The following RFX1 variants were observed in gnomAD, a reference collection of about 807,000 sequenced individuals.
The protein encoded by RFX1 is MHC class II regulatory factor RFX1.
Under a neutral mutation model 119.6 loss-of-function variants are expected in RFX1, and 42 were observed. The ratio of observed to expected loss-of-function variants is 0.35; its 90% confidence interval spans 0.27 to 0.45. RFX1 has a LOEUF of 0.45. Among genes scored for constraint, RFX1 ranks in the 20% least tolerant of loss-of-function variants. The pLI is 1.00. For missense variants in RFX1, 1,118 were observed against 1,368.1 expected (o/e 0.82, Z 2.88); for synonymous variants, 628 against 618.5 (o/e 1.02, Z -0.23).
Position 13,978,556 on chromosome 19 carries a change from T to A in RFX1, c.835-470A>T, listed in dbSNP as rs112072551. Among the ~76,000 whole-genome samples the A allele has an allele frequency of 5.4e-3, 828 of 151,962 alleles. 8 individuals are homozygous for A. Among genetic ancestry groups the A allele is most frequent in the African/African-American group, 0.019 (776 of 41,444 alleles). ...GCGGGGCCTGAGTCCCCCACCTCCA[T>A]CCCCCACCCTTGTCTGCAGGGGCGG... On this transcript the variant is annotated intron_variant, in intron 7 of 20. Coordinates refer to ENST00000254325, the MANE Select transcript of RFX1 (RefSeq NM_002918.5).
In RFX1 at chr19:13,965,608, A is replaced by G. The variant is rs1973869944; in HGVS notation, c.2113+18T>C. 1.9e-6 allele frequency: 3 copies of G among 1,612,536 alleles called. No homozygotes were observed. Among genetic ancestry groups the G allele is most frequent in the Non-Finnish European group, 8.5e-7 (1 of 1,179,442 alleles). On this transcript the variant is annotated intron_variant, in intron 15 of 20. Transcript: ENST00000254325. The surrounding 1 kb of genome is among the most constrained non-coding windows in gnomAD (Gnocchi z 4.7). ...GGTGTATGTGGGGCAGGGGATGCCGAGCAGGCCGAGCACTCACTGGGGATG... is the reference window on the plus strand; with the variant it reads ...GGTGTATGTGGGGCAGGGGATGCCGGGCAGGCCGAGCACTCACTGGGGATG...
At chr19:13,992,020 C>T (rs1841693635) in intron 2 of RFX1, among the ~76,000 whole-genome samples, 1 of 152,190 alleles carries the variant, frequency 6.6e-6, no homozygotes, top group Non-Finnish European at 1.5e-5. Context: ...CCATCTTGAC[C>T]CACCCCTTCC....
chr19:13,963,640 G>T lies in RFX1; in HGVS notation c.2468C>A (p.Ala823Asp). ...QQQNSLEQWA[A>D]WLDGVVSQVL... ...CTGGCTCACCACGCCGTCCAGCCAGGCCGCCCACTGCTCCAGCGAGTTCTG... is the reference window on the plus strand; with the variant it reads ...CTGGCTCACCACGCCGTCCAGCCAGTCCGCCCACTGCTCCAGCGAGTTCTG... Residue 823 changes from alanine (A) to aspartate (D), a missense_variant, in exon 18 of 21, where the codon GCC (alanine) becomes GAC (aspartate). Ala to Asp is a moderately radical substitution (Grantham distance 126). This residue lies in a region of RFX1 where 68 missense variants were observed against 67.2 expected (regional missense o/e 1.01). Coordinates refer to ENST00000254325, the MANE Select transcript of RFX1 (RefSeq NM_002918.5). 1 of 1,601,684 alleles carries T rather than the reference G, an allele frequency of 6.2e-7. No homozygotes were observed.
chr19:13,993,389 C>T, intron 2 of RFX1, 136 bp downstream of exon 2: 1 of 772,930 alleles, frequency 1.3e-6, no homozygotes, highest in Non-Finnish European at 2.0e-6. Context: ...GGCTTAAGCA[C>T]CCCTGCCCTA....
chr19:13,962,419 G>A lies in RFX1; in HGVS notation c.*276C>T, dbSNP rs992231866. ...GAAGACGCTGGGGCCTGGGAGGGGG[G>A]CGGCCAAGGGGCCGAGCTGGATGCC... On this transcript the variant is annotated 3_prime_UTR_variant, in exon 21 of 21. Coordinates refer to ENST00000254325, the MANE Select transcript of RFX1 (RefSeq NM_002918.5). The A allele has an allele frequency of 4.1e-6, 2 of 482,626 alleles. No individual in the cohort carries two copies. Among genetic ancestry groups the A allele is most frequent in the Non-Finnish European group, 7.3e-6 (2 of 272,662 alleles). The allele number at this position is 482,626 out of a possible 1,614,324, so 29.9% of individuals were successfully genotyped here. A position where few individuals can be genotyped will look rare whatever the true frequency, so the allele number is the denominator to read the frequency against.
chr19:14,000,980 C>T (rs1975197795), intron 1 of RFX1, among the ~76,000 whole-genome samples: 1 of 152,140 alleles, frequency 6.6e-6, no homozygotes, highest in African/African-American at 2.4e-5. Flanking sequence ...TGCCTGTAAT[C>T]CCAGCTACTC....
At chr19:13,999,803 G>A (rs1314075837) in intron 1 of RFX1, among the ~76,000 whole-genome samples, 2 of 152,066 alleles carry the variant, frequency 1.3e-5, no homozygotes, top group Non-Finnish European at 2.9e-5. Context: ...AGCCTCCTGA[G>A]GAGCTGGGAT....
In RFX1 at chr19:13,966,044, A is replaced by C. The variant is rs916665459; in HGVS notation, c.1962-267T>G. 2.0e-5 allele frequency among the ~76,000 whole-genome samples: 3 copies of C among 151,948 alleles called. No homozygotes were observed. Among genetic ancestry groups the C allele is most frequent in the African/African-American group, 7.3e-5 (3 of 41,350 alleles). On this transcript the variant is annotated intron_variant, in intron 14 of 20. Transcript: ENST00000254325. The surrounding 1 kb of genome is among the most constrained non-coding windows in gnomAD (Gnocchi z 6.3). The stretch of plus-strand genomic sequence containing the variant: ...GGGGGCACTCTGTGGCCCTGCCCCC[A>C]GCGTCAGAAGGGCACAGGTACCCCC...
At chr19:13,971,277 A>G (rs948262455) in intron 9 of RFX1, among the ~76,000 whole-genome samples, 1 of 152,036 alleles carries the variant, frequency 6.6e-6, no homozygotes, top group Non-Finnish European at 1.5e-5. Flanking sequence ...GGAAGGTTAC[A>G]GTGAACTGAG....
rs35165719 is a variant in RFX1 at position 13,994,719 on chromosome 19, ATGTGTG to A, written c.-52-830_-52-825del. 4.0e-3 allele frequency among the ~76,000 whole-genome samples: 499 copies of A among 125,986 alleles called. 3 individuals are homozygous for A. The highest frequency in any genetic ancestry group is 0.01 in the African/African-American group (337 of 32,296). 82.7% of individuals were successfully genotyped at this position (125,986 alleles called of 152,430 possible). On this transcript the variant is annotated intron_variant, in intron 1 of 20. Transcript: ENST00000254325. The stretch of plus-strand genomic sequence containing the variant: ...GACCCAAGACTCTGTCTAAATATAT[ATGTGTG>A]TGTGTGTGTGTGTGTGTGTGTGTGT...
intron 6 of RFX1, among the ~76,000 whole-genome samples, chr19:13,979,934 C>T (rs902549611): frequency 3.3e-5 from 5 of 152,060 alleles, no homozygotes; most frequent in Non-Finnish European, 7.4e-5. Context: ...GGGACGGAGG[C>T]TGGCGGAGGA....
Position 13,962,851 on chromosome 19 carries a change from T to G in RFX1, c.2784A>C (p.Glu928Asp). 2.6e-6 allele frequency: 4 copies of G among 1,527,836 alleles called. No homozygotes were observed. The South Asian group carries it at 4.9e-5, about 19-fold the overall frequency. 94.6% of individuals were successfully genotyped at this position (1,527,836 alleles called of 1,614,324 possible). The change falls in exon 21 of 21, where the codon GAA becomes GAC. Residue 928 changes from glutamate (E) to aspartate (D), a missense_variant. Coordinates refer to ENST00000254325, the MANE Select transcript of RFX1 (RefSeq NM_002918.5). ...PLDPDKDEEEEEEEESEDELP... is the reference protein window; with the variant it reads ...PLDPDKDEEEDEEEESEDELP... ...GCTCGTCCTCGCTCTCCTCCTCCTC[T>G]TCTTCCTCCTCGTCTGGAACACAGG...
intron 17 of RFX1, 25 bp from the exon 18 acceptor site, chr19:13,963,771 G>A (rs759122566): frequency 7.2e-6 from 11 of 1,522,680 alleles, no homozygotes; most frequent in Admixed American, 2.0e-5. Context: ...GTGGGCGGGC[G>A]CCCGGGGCTC....
intron 8 of RFX1, 116 bp downstream of exon 8, chr19:13,977,876 G>GTCA: frequency 1.3e-6 from 1 of 752,168 alleles, no homozygotes; most frequent in Non-Finnish European, 2.2e-6. Flanking sequence ...TGTCACCTGA[G>GTCA]GCCTTGAAGG....
In RFX1 at chr19:13,980,731, T is replaced by TGCATCCTCTCTGGGGTGGTCTC; in HGVS notation, c.622-43_622-42insGAGACCACCCCAGAGAGGATGC. The TGCATCCTCTCTGGGGTGGTCTC allele has an allele frequency of 1.7e-6, 2 of 1,201,554 alleles. No homozygotes were observed. Among genetic ancestry groups the TGCATCCTCTCTGGGGTGGTCTC allele is most frequent in the Non-Finnish European group, 2.4e-6 (2 of 842,376 alleles). 74.4% of individuals were successfully genotyped at this position (1,201,554 alleles called of 1,614,324 possible). ...CACAGGAGTGCCGCTGGGGTGGGCTTGCATCCTCTCTGAGGTGGGCTCACA... is the reference window on the plus strand; with the variant it reads ...CACAGGAGTGCCGCTGGGGTGGGCTTGCATCCTCTCTGGGGTGGTCTCGCATCCTCTCTGAGGTGGGCTCACA... On this transcript the variant is annotated intron_variant, in intron 5 of 20. Transcript: ENST00000254325. This position sits in a 1 kb window ranked among gnomAD's most constrained non-coding sequence, Gnocchi z 5.1.
In RFX1 at chr19:13,983,583, C is replaced by A; in HGVS notation, c.332G>T (p.Arg111Leu). 5.6e-6 allele frequency: 9 copies of A among 1,603,824 alleles called. No homozygotes were observed. The highest frequency in any genetic ancestry group is 7.6e-6 in the Non-Finnish European group (9 of 1,177,106). The change falls in exon 3 of 21, where the codon CGG becomes CTG. Residue 111 changes from arginine (R) to leucine (L), a missense_variant. Arg to Leu is a moderately radical substitution (Grantham distance 102, BLOSUM62 -2). This residue lies in a region of RFX1 where 542 missense variants were observed against 602.7 expected (regional missense o/e 0.90). Coordinates refer to ENST00000254325, the MANE Select transcript of RFX1 (RefSeq NM_002918.5). ...GGCCTCCGACACTGTCTCGCTGGCC[C>A]GCATGGCACCTTCTGTGGGGAGGGG... The part of the protein sequence containing the change: ...IVVTVSEGAM[R>L]ASETVSEASP...
intron 1 of RFX1, among the ~76,000 whole-genome samples, chr19:13,996,302 T>C (rs1975015448): frequency 6.6e-6 from 1 of 152,184 alleles, no homozygotes; most frequent in African/African-American, 2.4e-5. Flanking sequence ...CCAGAAGGCA[T>C]TTGGGTCTGA....
chr19:13,966,857 C>T lies in RFX1; in HGVS notation c.1733-106G>A, dbSNP rs150391504. 4.9e-4 allele frequency: 365 copies of T among 747,530 alleles called. 2 individuals are homozygous for T. The East Asian group carries it at 8.5e-3, about 18-fold the overall frequency. The allele number at this position is 747,530 out of a possible 1,614,324, so 46.3% of individuals were successfully genotyped here. On this transcript the variant is annotated intron_variant, in intron 12 of 20. Coordinates refer to ENST00000254325, the MANE Select transcript of RFX1 (RefSeq NM_002918.5). This position sits in a 1 kb window ranked among gnomAD's most constrained non-coding sequence, Gnocchi z 6.3. ...CATCAGACTGGGGTCCCCCATGTGC[C>T]GGTGAGACAACGCTAGGTGGGGTGA... is the stretch of plus-strand genomic sequence containing the variant.
chr19:13,963,746 C>A lies in RFX1; in HGVS notation c.2362G>T (p.Glu788Ter). Residue 788 changes from glutamate (E) to a stop codon, truncating the protein, a stop_gained and splice_region_variant, in exon 18 of 21, where the codon GAG becomes TAG. Coordinates refer to ENST00000254325, the MANE Select transcript of RFX1 (RefSeq NM_002918.5). LOFTEE classifies it high-confidence loss of function. ...LNRVDFANVQ[E>*]QASWVCRCED... ...CAGCGGCACACCCACGAGGCCTGCT[C>A]CTGGGGCACAGAGGGTGGGCGGGCG... is the stretch of plus-strand genomic sequence containing the variant. 6.3e-7 allele frequency: 1 copy of A among 1,580,146 alleles called. No homozygotes were observed. Among genetic ancestry groups the A allele is most frequent in the Non-Finnish European group, 8.6e-7 (1 of 1,164,710 alleles).
Sources: allele counts gnomAD v4.1 joint callset (sites outside exome capture counted in the v4.1 genomes callset), GRCh38; gene constraint gnomAD v4.1.1; regional missense constraint gnomAD v4.1.1; non-coding constraint Gnocchi (gnomAD v3.1); transcripts MANE v1.5; gene names NCBI Gene and HGNC (gene_info 2026-07-23, HGNC 2026-07-21).